The following TRPC6 variants were observed in gnomAD, a reference collection of about 807,000 sequenced individuals.
TRPC6 encodes the protein short transient receptor potential channel 6.
TRPC6 carries 55 observed loss-of-function variants against 90.7 expected under a neutral mutation model. The ratio of observed to expected loss-of-function variants is 0.61; its 90% CI spans 0.49 to 0.76. The LOEUF is 0.76. TRPC6 is among the 30% of genes least tolerant of loss of function. The pLI, the probability that TRPC6 is intolerant of heterozygous loss-of-function variation, is 0.00. For missense variants in TRPC6, 989 were observed against 1,122.7 expected (o/e 0.88, Z 1.70); for synonymous variants, 393 against 393.0 (o/e 1.00, Z 0.00).
chr11:101,454,870 C>G, intron 11 of TRPC6, 148 bp downstream of exon 11: 1 of 568,892 alleles, frequency 1.8e-6, no homozygotes, highest in Non-Finnish European at 3.0e-6. Context: ...TTACAAAATG[C>G]CTGGTACATG....
chr11:101,553,085 T>C (rs1365489944), intron 1 of TRPC6, among the ~76,000 whole-genome samples: 1 of 152,058 alleles, frequency 6.6e-6, no homozygotes, highest in East Asian at 1.9e-4. Flanking sequence ...TAGGGTGAGG[T>C]AGAGTATTAA....
rs140242092 is a variant in TRPC6 at position 101,504,258 on chromosome 11, G to T, written c.711C>A (p.Thr237=). Residue 237 remains threonine (T), a synonymous_variant, in exon 2 of 13, where the codon ACC becomes ACA. Transcript: ENST00000344327. ...CAATCCTAGCACCCTTCCGCAGGAG[G>T]GTATGCACAATTTCATATTCCTGGC... ...AHCQEYEIVH[T]LLRKGARIER... is the part of the protein sequence containing the mutation. The T allele has an allele frequency of 2.3e-5, 37 of 1,613,592 alleles. No individual in the cohort carries two copies. The highest frequency in any genetic ancestry group is 5.3e-5 in the African/African-American group (4 of 74,908).
chr11:101,579,955 T>A (rs143192769), intron 1 of TRPC6, among the ~76,000 whole-genome samples: 1 of 152,196 alleles, frequency 6.6e-6, no homozygotes, highest in Admixed American at 6.5e-5. Context: ...TCGCTTTTAA[T>A]GTCTTTGTTC....
intron 2 of TRPC6, among the ~76,000 whole-genome samples, chr11:101,501,616 G>A (rs1565219955): frequency 6.6e-6 from 1 of 152,062 alleles, no homozygotes; most frequent in South Asian, 2.1e-4. Context: ...AAAGGCAAGG[G>A]AGGCTCACCC....
At chr11:101,524,241 A>G (rs1339980075) in intron 1 of TRPC6, among the ~76,000 whole-genome samples, 1 of 152,056 alleles carries the variant, frequency 6.6e-6, no homozygotes, top group Admixed American at 6.6e-5. Flanking sequence ...AGTCTCAATC[A>G]GGCCATTTTT....
intron 1 of TRPC6, chr11:101,583,046 T>C: frequency 4.6e-6 from 2 of 436,006 alleles, no homozygotes; most frequent in Non-Finnish European, 6.1e-6. Flanking sequence ...CGACCACCCA[T>C]CTAATCACCT....
At chr11:101,469,009 A>C (rs1565205615) in intron 10 of TRPC6, among the ~76,000 whole-genome samples, 1 of 152,170 alleles carries the variant, frequency 6.6e-6, no homozygotes, top group Non-Finnish European at 1.5e-5. Flanking sequence ...CGACCACAAT[A>C]GCCATTAAGG....
chr11:101,499,740 T>TACAC, intron 2 of TRPC6, among the ~76,000 whole-genome samples: 1 of 41,818 alleles, frequency 2.4e-5, no homozygotes, highest in Admixed American at 3.5e-4. Flanking sequence ...TGTGTATATA[T>TACAC]ATATACACAA....
chr11:101,530,005 T>A (rs1010618377), intron 1 of TRPC6, among the ~76,000 whole-genome samples: 25 of 151,966 alleles, frequency 1.6e-4, no homozygotes, highest in Non-Finnish European at 2.9e-4. Flanking sequence ...CAAGGAGGAG[T>A]CATGCTCACC....
In TRPC6 at chr11:101,471,359, C is replaced by A. The variant is rs774589749; in HGVS notation, c.2233G>T (p.Ala745Ser). 1 of 1,613,868 alleles carries A rather than the reference C, an allele frequency of 6.2e-7. No homozygotes were observed. Among genetic ancestry groups the A allele is most frequent in the South Asian group, 1.1e-5 (1 of 91,068 alleles). ...TAGGAAAACCAGAGTTTGGCCCTTGCAAATTTCCACTCCACATCAGCGTCA... is the reference window on the plus strand; with the variant it reads ...TAGGAAAACCAGAGTTTGGCCCTTGAAAATTTCCACTCCACATCAGCGTCA... ...EDDADVEWKF[A>S]RAKLWFSYFE... The change falls in exon 9 of 13, where the codon GCA becomes TCA. Residue 745 changes from alanine (A) to serine (S), a missense_variant. Transcript: ENST00000344327.
chr11:101,557,963 G>A (rs1300753625), intron 1 of TRPC6, among the ~76,000 whole-genome samples: 1 of 152,024 alleles, frequency 6.6e-6, no homozygotes, highest in Non-Finnish European at 1.5e-5. Flanking sequence ...CAGATTACGT[G>A]ATCTACAGAT....
At chr11:101,568,238 A>G (rs1861879525) in intron 1 of TRPC6, among the ~76,000 whole-genome samples, 1 of 152,236 alleles carries the variant, frequency 6.6e-6, no homozygotes, top group Admixed American at 6.5e-5. Flanking sequence ...AGTATCATAC[A>G]TGCCAAATTG....
intron 4 of TRPC6, among the ~76,000 whole-genome samples, chr11:101,487,113 T>C (rs1859694746): frequency 6.6e-6 from 1 of 152,106 alleles, no homozygotes; most frequent in South Asian, 2.1e-4. Context: ...ACTCTAAGGA[T>C]TGCCAAAAAT....
At chr11:101,563,116 T>A (rs1029136866) in intron 1 of TRPC6, among the ~76,000 whole-genome samples, 2 of 152,188 alleles carry the variant, frequency 1.3e-5, no homozygotes, top group African/African-American at 2.4e-5. Flanking sequence ...AAAAGTCAGT[T>A]CCTCAGTTGC....
intron 1 of TRPC6, among the ~76,000 whole-genome samples, chr11:101,559,471 A>G (rs1437578922): frequency 6.6e-6 from 1 of 152,210 alleles, no homozygotes; most frequent in Non-Finnish European, 1.5e-5. Flanking sequence ...TTAACAAAAC[A>G]AATAATGATC....
intron 1 of TRPC6, among the ~76,000 whole-genome samples, chr11:101,574,284 A>AT (rs996678614): frequency 6.6e-6 from 1 of 151,070 alleles, no homozygotes; most frequent in Admixed American, 6.6e-5. Context: ...AAATTTGTTT[A>AT]TTTTTTAATT....
At chr11:101,517,032 C>G (rs1217618554) in intron 1 of TRPC6, among the ~76,000 whole-genome samples, 1 of 152,216 alleles carries the variant, frequency 6.6e-6, no homozygotes, top group Non-Finnish European at 1.5e-5. Flanking sequence ...ACGCTGAAAG[C>G]TACATAATAT....
chr11:101,556,649 C>A (rs1441341971), intron 1 of TRPC6, among the ~76,000 whole-genome samples: 1 of 152,112 alleles, frequency 6.6e-6, no homozygotes, highest in African/African-American at 2.4e-5. Flanking sequence ...AATACCAGTC[C>A]TTTTCAAACT....
intron 1 of TRPC6, among the ~76,000 whole-genome samples, chr11:101,512,410 C>A (rs565196151): frequency 2.6e-5 from 4 of 152,150 alleles, no homozygotes; most frequent in Non-Finnish European, 4.4e-5. Context: ...CAATTGACAT[C>A]TTGTTTGTGT....
Sources: gnomAD v4.1 joint callset for allele counts (sites outside exome capture counted in the v4.1 genomes callset) on GRCh38, gnomAD v4.1.1 for gene constraint, MANE v1.5 for transcripts, NCBI Gene and HGNC (gene_info 2026-07-23, HGNC 2026-07-21) for gene names.